Variants in SLC25A26 observed in about 807,000 individuals in gnomAD.
The protein encoded by SLC25A26 is mitochondrial S-adenosylmethionine carrier protein.
In SLC25A26, 36 loss-of-function variants were observed where a neutral mutation model predicts 37.8. The observed-to-expected ratio is 0.95, with a 90% CI of 0.73 to 1.26. SLC25A26 has a LOEUF of 1.26. Among genes scored for constraint, SLC25A26 ranks in the 50% most tolerant of loss-of-function variants. The probability of loss-of-function intolerance (pLI) is 0.00; values close to 1 mark genes in which losing one functional copy is unlikely to be tolerated. For synonymous variants in SLC25A26, 129 were observed against 122.5 expected, an observed-to-expected ratio of 1.05 and a Z score of -0.35; for missense variants, 390 against 331.1, an observed-to-expected ratio of 1.18 and a Z score of -1.38.
At chr3:66,149,952 G>A (rs1446917868) in intron 1 of SLC25A26, among the ~76,000 whole-genome samples, 2 of 152,260 alleles carry the variant, frequency 1.3e-5, no homozygotes, top group East Asian at 3.9e-4. Flanking sequence ...GAGTCCATGG[G>A]TGGGGAGGAG....
rs2071154452 is a variant in SLC25A26, at chr3:66,204,629, T to A, written c.-353-16113T>A. ...GAAAAAGCAAGAACATTGTCTATCT[T>A]GTTCATCTATATTCCTAGAGTCAGA... On this transcript the variant is annotated intron_variant, in intron 1 of 10. Transcript: ENST00000676754. Among the ~76,000 whole-genome samples, 6 of 152,146 alleles carry A rather than the reference T, an allele frequency of 3.9e-5. No homozygotes were observed. The South Asian group carries it at 1.2e-3, about 31-fold the overall frequency.
At chr3:66,258,850 T>C (rs963525662) in intron 3 of SLC25A26, among the ~76,000 whole-genome samples, 8 of 150,474 alleles carry the variant, frequency 5.3e-5, no homozygotes, top group Non-Finnish European at 8.9e-5. Context: ...TTTTCTTTTT[T>C]TTTTTTTTTA....
rs199669179 is a variant in SLC25A26, at chr3:66,226,954, AACTT to A, written c.33+5829_33+5832del. Among the ~76,000 whole-genome samples, 2,216 of 152,324 alleles carry A rather than the reference AACTT, an allele frequency of 0.015. 142 individuals are homozygous for A. In the East Asian group the frequency reaches 0.19, roughly 13 times the overall value. On this transcript the variant is annotated intron_variant, in intron 1 of 9. Transcript: ENST00000354883. Reference sequence around the variant, plus strand: ...AATTAAAAACATTAGAAACATTAATAACTTAATTTTTTGGACAAAACCTTATCAA... The same window carrying A: ...AATTAAAAACATTAGAAACATTAATAAATTTTTTGGACAAAACCTTATCAA...
rs745372502 is a variant in SLC25A26, at chr3:66,369,468, A to G, written c.569-10A>G. 1 of 1,599,190 alleles carries G rather than the reference A, an allele frequency of 6.3e-7. No individual in the cohort carries two copies. On this transcript the variant is annotated splice_polypyrimidine_tract_variant and intron_variant, in intron 7 of 9. Transcript: ENST00000354883. ...GGATCTCACTTGGGTGTTGGGTATT[A>G]TTTGTACAGGTGGATTTGCCGCTGC...
intron 5 of SLC25A26, among the ~76,000 whole-genome samples, chr3:66,268,786 C>T (rs2073853017): frequency 6.6e-6 from 1 of 152,200 alleles, no homozygotes; most frequent in Non-Finnish European, 1.5e-5. Flanking sequence ...TGGTTTCCCT[C>T]ATGCTCTTGA....
At chr3:66,327,646 G>A (rs1244774008) in intron 5 of SLC25A26, among the ~76,000 whole-genome samples, 3 of 151,738 alleles carry the variant, frequency 2.0e-5, no homozygotes, top group African/African-American at 7.3e-5. Context: ...TGATTCATTT[G>A]CTTATTTTTT....
At chr3:66,272,203 G>C (rs1162619961) in intron 5 of SLC25A26, among the ~76,000 whole-genome samples, 2 of 151,996 alleles carry the variant, frequency 1.3e-5, no homozygotes, top group Non-Finnish European at 1.5e-5. Context: ...ATCCCTACTT[G>C]ACAGAAACTA....
intron 1 of SLC25A26, among the ~76,000 whole-genome samples, chr3:66,172,551 C>T (rs1182124216): frequency 2.6e-5 from 4 of 151,862 alleles, no homozygotes; most frequent in African/African-American, 9.7e-5. Context: ...TATTAGTGTG[C>T]TGGGGCTGTC....
chr3:66,277,632 T>C (rs1409235270), intron 5 of SLC25A26, among the ~76,000 whole-genome samples: 6 of 152,122 alleles, frequency 3.9e-5, no homozygotes, highest in Non-Finnish European at 7.4e-5. Flanking sequence ...TCATTTATTT[T>C]AAAAAACGAA....
intron 5 of SLC25A26, among the ~76,000 whole-genome samples, chr3:66,320,339 A>G (rs1241165465): frequency 1.3e-5 from 2 of 152,022 alleles, no homozygotes; most frequent in African/African-American, 2.4e-5. Flanking sequence ...TAGTTATTTC[A>G]TATCAGTGGA....
At chr3:66,203,030 C>T (rs1234054258) in intron 1 of SLC25A26, among the ~76,000 whole-genome samples, 1 of 152,076 alleles carries the variant, frequency 6.6e-6, no homozygotes, top group Non-Finnish European at 1.5e-5. Flanking sequence ...TAATATAATT[C>T]GTAAAGATTT....
At chr3:66,373,259 A>T (rs1402707040) in intron 9 of SLC25A26, among the ~76,000 whole-genome samples, 1 of 152,088 alleles carries the variant, frequency 6.6e-6, no homozygotes, top group Non-Finnish European at 1.5e-5. Context: ...GCTCTCATTT[A>T]ATCTGTGGGC....
At chr3:66,165,215 C>A (rs548554988) in intron 1 of SLC25A26, among the ~76,000 whole-genome samples, 4 of 152,148 alleles carry the variant, frequency 2.6e-5, no homozygotes, top group African/African-American at 9.7e-5. Context: ...GCCAGTCATG[C>A]GAGTGAGCCG....
intron 1 of SLC25A26, among the ~76,000 whole-genome samples, chr3:66,190,422 T>C (rs2070917740): frequency 6.6e-6 from 1 of 152,062 alleles, no homozygotes; most frequent in Non-Finnish European, 1.5e-5. Context: ...CAGTTAAGAA[T>C]TTTATCTATT....
chr3:66,150,518 T>A (rs1348320154), intron 1 of SLC25A26, among the ~76,000 whole-genome samples: 1 of 87,552 alleles, frequency 1.1e-5, no homozygotes, highest in African/African-American at 5.2e-5. Context: ...AATATATATA[T>A]ATAATGATAT....
intron 6 of SLC25A26, among the ~76,000 whole-genome samples, chr3:66,354,378 T>A (rs1454042251): frequency 1.3e-5 from 2 of 152,176 alleles, no homozygotes; most frequent in East Asian, 3.8e-4. Context: ...TGCTAATACT[T>A]TTCTAAGATG....
chr3:66,231,687 A>G (rs1056334375), intron 1 of SLC25A26, among the ~76,000 whole-genome samples: 1 of 151,906 alleles, frequency 6.6e-6, no homozygotes, highest in Non-Finnish European at 1.5e-5. Context: ...TATATAGCAT[A>G]TATTGTTTTA....
chr3:66,286,482 CT>C (rs1295229247), intron 5 of SLC25A26, among the ~76,000 whole-genome samples: 1 of 151,442 alleles, frequency 6.6e-6, no homozygotes. Context: ...GCTTTTGCAT[CT>C]TTTAAAAAAA....
intron 4 of SLC25A26, 90 bp from the exon 5 acceptor site, chr3:66,263,242 A>G (rs2073599870): frequency 1.1e-6 from 1 of 890,250 alleles, no homozygotes; most frequent in Admixed American, 2.0e-5. Context: ...TCTAGAACTC[A>G]AACAAGAGCA....
Sources: gnomAD v4.1 joint callset for allele counts (sites outside exome capture counted in the v4.1 genomes callset) on GRCh38, gnomAD v4.1.1 for gene constraint, MANE v1.5 for transcripts, NCBI Gene and HGNC (gene_info 2026-07-23, HGNC 2026-07-21) for gene names.